The following ELP2 variants were observed in gnomAD, a reference collection of about 807,000 sequenced individuals.
ELP2 encodes the protein elongator acetyltransferase complex subunit 2.
A neutral mutation model predicts 119.2 loss-of-function variants in ELP2; 90 were observed. The observed-to-expected ratio is 0.75, with a 90% CI of 0.64 to 0.90. The LOEUF (loss-of-function observed/expected upper bound fraction) is 0.90, where lower values mean the gene tolerates loss of function less well. Ranked by LOEUF, ELP2 falls within the 40% of genes least tolerant of loss-of-function variation. The pLI is 0.00. For synonymous variants in ELP2, 339 were observed against 331.0 expected, an observed-to-expected ratio of 1.02 and a Z score of -0.26; for missense variants, 921 against 967.8, an observed-to-expected ratio of 0.95 and a Z score of 0.64.
In ELP2 at chr18:36,152,702, G is replaced by C. The variant is rs55928542; in HGVS notation, c.1126-2148G>C. Among the ~76,000 whole-genome samples, 1,408 of 152,242 alleles carry C rather than the reference G, an allele frequency of 9.2e-3. 28 individuals are homozygous for C. The highest frequency in any genetic ancestry group is 0.031 in the African/African-American group (1,279 of 41,516). On this transcript the variant is annotated intron_variant, in intron 11 of 21. Coordinates refer to ENST00000358232, the MANE Select transcript of ELP2 (RefSeq NM_018255.4). The stretch of plus-strand genomic sequence containing the variant: ...GCCGTTCCCTCAGGAATAATCTCCC[G>C]TGTGTCTGGATTATATATCCCCACC...
rs1423726448 is a variant in ELP2, at chr18:36,174,449, G to A, written c.2325-36G>A. On this transcript the variant is annotated intron_variant, in intron 21 of 21. Coordinates refer to ENST00000358232, the MANE Select transcript of ELP2 (RefSeq NM_018255.4). ...CCATTCATGTTTACACCATTAATTG[G>A]AAAAACATTTCATGATTTCTCTATC... The A allele has an allele frequency of 3.1e-6, 5 of 1,602,484 alleles. No homozygotes were observed. The Middle Eastern group carries it at 5.0e-4, about 159-fold the overall frequency.
In ELP2 at chr18:36,176,958, T is replaced by C. The variant is rs902748376; in HGVS notation, c.*2317T>C. 1.3e-5 allele frequency: 2 copies of C among 152,144 alleles called. No individual in the cohort carries two copies. Among genetic ancestry groups the C allele is most frequent in the Non-Finnish European group, 2.9e-5 (2 of 68,030 alleles). The allele number at this position is 152,144 out of a possible 1,614,324, so 9.4% of individuals were successfully genotyped here. ...CTTTCCTGTCTGCCAGGAAAAGTTT[T>C]CTGTAGTGACGCACGTGTTGTGTGT... On this transcript the variant is annotated 3_prime_UTR_variant, in exon 22 of 22. Transcript: ENST00000358232.
chr18:36,167,191 A>G lies in ELP2; in HGVS notation c.2045A>G (p.Lys682Arg). The part of the protein sequence containing the change: ...IWSCDWSPDS[K>R]YFFTGSRDKK... ...TCTTGTGATTGGAGTCCTGACAGCA[A>G]GTATTTCTTCACTGGGAGTCGAGAC... The change falls in exon 19 of 22, where the codon AAG becomes AGG. Residue 682 changes from lysine to arginine, a missense_variant. By Grantham distance (26) the Lys-to-Arg change is conservative. Coordinates refer to ENST00000358232, the MANE Select transcript of ELP2 (RefSeq NM_018255.4). 6.3e-7 allele frequency: 1 copy of G among 1,595,840 alleles called. No homozygotes were observed. The highest frequency in any genetic ancestry group is 8.5e-7 in the Non-Finnish European group (1 of 1,169,976).
Position 36,131,539 on chromosome 18 carries a change from G to A in ELP2, c.138+1468G>A, listed in dbSNP as rs562595221. Among the ~76,000 whole-genome samples, 4 of 152,348 alleles carry A rather than the reference G, an allele frequency of 2.6e-5. No homozygotes were observed. The South Asian group carries it at 6.2e-4, about 24-fold the overall frequency. On this transcript the variant is annotated intron_variant, in intron 1 of 21. Transcript: ENST00000358232. ...GGAGTTGTCAGGGAAGCAGGAGCCC[G>A]GGAGAGCCAGGGTGACACCCTTTTA...
chr18:36,133,374 A>C (rs1490080225), intron 2 of ELP2, 58 bp downstream of exon 2: 1 of 1,339,584 alleles, frequency 7.5e-7, no homozygotes, highest in Non-Finnish European at 1.1e-6. Flanking sequence ...AAATAAGGTT[A>C]GCCATTTTTT....
intron 12 of ELP2, among the ~76,000 whole-genome samples, chr18:36,155,450 T>C (rs1394630277): frequency 6.6e-6 from 1 of 152,172 alleles, no homozygotes. Context: ...CCCTCTTGAA[T>C]AGCTAAAGTA....
Position 36,141,128 on chromosome 18 carries a change from T to C in ELP2, c.524-9T>C. Reference sequence around the variant, plus strand: ...AACTCACAGTGAAGCCTGTTTTTTCTTCCCCCAGTACCAATATTAGCATGT... The same window carrying C: ...AACTCACAGTGAAGCCTGTTTTTTCCTCCCCCAGTACCAATATTAGCATGT... On this transcript the variant is annotated splice_polypyrimidine_tract_variant and intron_variant, in intron 5 of 21. Coordinates refer to ENST00000358232, the MANE Select transcript of ELP2 (RefSeq NM_018255.4). 1 of 1,612,790 alleles carries C rather than the reference T, an allele frequency of 6.2e-7. No homozygotes were observed. Among genetic ancestry groups the C allele is most frequent in the Non-Finnish European group, 8.5e-7 (1 of 1,178,838 alleles).
intron 10 of ELP2, 44 bp downstream of exon 10, chr18:36,146,092 A>G: frequency 6.3e-7 from 1 of 1,597,302 alleles, no homozygotes; most frequent in South Asian, 1.1e-5. Flanking sequence ...TAAGTTTTGA[A>G]CTCTGTATTT....
At chr18:36,144,291 T>C (rs926560970) in intron 8 of ELP2, among the ~76,000 whole-genome samples, 1 of 152,248 alleles carries the variant, frequency 6.6e-6, no homozygotes, top group Non-Finnish European at 1.5e-5. Flanking sequence ...ATTTCTGCAT[T>C]TATCCTTTTA....
Position 36,175,920 on chromosome 18 carries a change from C to T in ELP2, c.*1279C>T, listed in dbSNP as rs897985440. The T allele has an allele frequency of 1.3e-5, 2 of 152,024 alleles. No individual in the cohort carries two copies. Among genetic ancestry groups the T allele is most frequent in the South Asian group, 4.2e-4 (2 of 4,812 alleles). The allele number at this position is 152,024 out of a possible 1,614,324, so 9.4% of individuals were successfully genotyped here. A position where few individuals can be genotyped will look rare whatever the true frequency, so the allele number is the denominator to read the frequency against. On this transcript the variant is annotated 3_prime_UTR_variant, in exon 22 of 22. Transcript: ENST00000358232. The stretch of plus-strand genomic sequence containing the variant: ...TTATGCTGTTATTTAACATATTTTG[C>T]TTCCAAAGGGGTTAAGATGTTTTAC...
chr18:36,153,234 CTA>C (rs751359460), intron 11 of ELP2, among the ~76,000 whole-genome samples: 11 of 152,182 alleles, frequency 7.2e-5, no homozygotes, highest in Non-Finnish European at 1.3e-4. Context: ...GGAGTTGGAT[CTA>C]TCCGTAAATT....
intron 1 of ELP2, among the ~76,000 whole-genome samples, chr18:36,132,514 G>A (rs903534014): frequency 3.3e-5 from 5 of 152,176 alleles, no homozygotes; most frequent in Non-Finnish European, 5.9e-5. Context: ...AGCCATTGCC[G>A]TTGACAACAG....
At position 36,164,498 on chromosome 18, in the gene ELP2, T is replaced by G; in HGVS notation, c.1785T>G (p.Ala595=). The G allele has an allele frequency of 1.2e-6, 2 of 1,614,108 alleles. No individual in the cohort carries two copies. Among genetic ancestry groups the G allele is most frequent in the Non-Finnish European group, 1.7e-6 (2 of 1,179,940 alleles). The change falls in exon 18 of 22, where the codon GCT becomes GCG. Residue 595 remains alanine (A), a synonymous_variant. Transcript: ENST00000358232. ...ACKAAKKEHA[A]IILWNTTSWK... ...AGGCAGCTAAGAAAGAGCATGCAGC[T>G]ATCATTCTTTGGAACACTACATCTT...
chr18:36,155,251 G>T (rs2090532535), intron 12 of ELP2, among the ~76,000 whole-genome samples: 1 of 128,118 alleles, frequency 7.8e-6, no homozygotes, highest in Non-Finnish European at 1.6e-5. Context: ...GACCTCAGGT[G>T]ATGCACCGCC....
intron 19 of ELP2, among the ~76,000 whole-genome samples, chr18:36,168,913 CTTTTTTTTTTTT>C (rs61459855): frequency 4.3e-5 from 3 of 69,258 alleles, no homozygotes; most frequent in South Asian, 7.7e-4. Flanking sequence ...CTCTCCATTT[CTTTTTTTTTTTT>C]TTTTTTTTTT....
At chr18:36,130,313 C>T (rs960009384) in intron 1 of ELP2, among the ~76,000 whole-genome samples, 1 of 152,202 alleles carries the variant, frequency 6.6e-6, no homozygotes, top group Non-Finnish European at 1.5e-5. Context: ...TGCTAGTAAC[C>T]TGTTAGTCCC....
intron 5 of ELP2, among the ~76,000 whole-genome samples, chr18:36,139,234 A>G (rs1419306590): frequency 6.6e-6 from 1 of 152,252 alleles, no homozygotes; most frequent in Non-Finnish European, 1.5e-5. Context: ...AAGATGGCAT[A>G]TGAGCATTTC....
Position 36,174,850 on chromosome 18 carries a change from AAT to A in ELP2, c.*210_*211del, listed in dbSNP as rs747523368. 0.96 allele frequency: 512,749 copies of A among 531,994 alleles called. 249,149 individuals are homozygous for A. The highest frequency in any genetic ancestry group is 1 in the Non-Finnish European group (298,472 of 298,774). 33.0% of individuals were successfully genotyped at this position (531,994 alleles called of 1,614,324 possible). On this transcript the variant is annotated 3_prime_UTR_variant, in exon 22 of 22. Transcript: ENST00000358232. ...TAGCTGGGACTAGAGGCACACCACC[AAT>A]TCCGGCTAATTTTTGTATTTTTAGT...
intron 8 of ELP2, 86 bp from the exon 9 acceptor site, chr18:36,144,853 A>T: frequency 2.7e-6 from 3 of 1,113,408 alleles, no homozygotes; most frequent in Admixed American, 3.7e-5. Flanking sequence ...TTTTTTTCTT[A>T]CATAATTGCC....
Sources: allele counts gnomAD v4.1 joint callset (sites outside exome capture counted in the v4.1 genomes callset), GRCh38; gene constraint gnomAD v4.1.1; transcripts MANE v1.5; gene names NCBI Gene and HGNC (gene_info 2026-07-23, HGNC 2026-07-21).